Variants in PRTG observed in about 807,000 individuals in gnomAD.
PRTG encodes immunoglobulin superfamily, DCC subclass, member 5.
A neutral mutation model predicts 122.5 loss-of-function variants in PRTG; 67 were observed. The ratio of observed to expected loss-of-function variants is 0.55; its 90% confidence interval spans 0.45 to 0.67. The LOEUF is 0.67. PRTG is among the 30% of genes least tolerant of loss of function. The pLI is 0.00. For missense variants in PRTG, 1,435 were observed against 1,415.4 expected (o/e 1.01, Z -0.22); for synonymous variants, 554 against 501.1 (o/e 1.11, Z -1.41).
chr15:55,695,399 A>G (rs2059626463), intron 2 of PRTG, among the ~76,000 whole-genome samples: 1 of 152,226 alleles, frequency 6.6e-6, no homozygotes, highest in Admixed American at 6.5e-5. Context: ...TGTAAGAAAA[A>G]CATCACATTC....
At chr15:55,667,239 A>G (rs1420697056) in intron 11 of PRTG, among the ~76,000 whole-genome samples, 1 of 151,568 alleles carries the variant, frequency 6.6e-6, no homozygotes, top group African/African-American at 2.4e-5. Flanking sequence ...ATGCACTGTA[A>G]TTCTTATATA....
intron 2 of PRTG, among the ~76,000 whole-genome samples, chr15:55,734,607 T>C (rs2031350959): frequency 6.6e-6 from 1 of 151,430 alleles, no homozygotes; most frequent in African/African-American, 2.4e-5. Flanking sequence ...ATATAACATA[T>C]ATATGTATTA....
intron 2 of PRTG, among the ~76,000 whole-genome samples, chr15:55,733,939 C>T (rs1425964427): frequency 6.6e-6 from 1 of 152,170 alleles, no homozygotes; most frequent in African/African-American, 2.4e-5. Flanking sequence ...AAGATAGAAA[C>T]AGTTAAAGTA....
intron 11 of PRTG, among the ~76,000 whole-genome samples, chr15:55,642,069 G>A (rs10162868): frequency 1.3e-3 from 190 of 149,870 alleles, no homozygotes; most frequent in African/African-American, 4.5e-3. Context: ...AGCTACTCGG[G>A]AGGCTGAGGC....
At chr15:55,679,193 T>C in intron 7 of PRTG, 93 bp downstream of exon 7, 1 of 761,468 alleles carries the variant, frequency 1.3e-6, no homozygotes, top group Non-Finnish European at 2.1e-6. Context: ...ATCAAGATAA[T>C]TTAGGTATTT....
In PRTG at chr15:55,639,664, A is replaced by T. The variant is rs367716172; in HGVS notation, c.2302T>A (p.Ser768Thr). 121 of 1,613,966 alleles carry T rather than the reference A, an allele frequency of 7.5e-5. No individual in the cohort carries two copies. The highest frequency in any genetic ancestry group is 9.5e-5 in the Non-Finnish European group (112 of 1,180,006). The change falls in exon 13 of 20, where the codon TCT becomes ACT. Residue 768 changes from serine (S) to threonine (T), a missense_variant. By Grantham distance (58) the Ser-to-Thr change is moderately conservative. Coordinates refer to ENST00000389286, the MANE Select transcript of PRTG (RefSeq NM_173814.6). ...TACGTTTGAAGGTACAGAACCAAAG[A>T]AGCATTCTGCAGGCCAACAGGATTA... Reference protein sequence around the residue: ...RCNPVGLQNASLVLYLQTSET... With the variant: ...RCNPVGLQNATLVLYLQTSET...
chr15:55,657,462 G>T (rs1231525296), intron 11 of PRTG, among the ~76,000 whole-genome samples: 2 of 152,090 alleles, frequency 1.3e-5, no homozygotes, highest in South Asian at 2.1e-4. Context: ...CCAAAACTCT[G>T]TAACTTGTTA....
chr15:55,636,871 T>A lies in PRTG; in HGVS notation c.2623+299A>T, dbSNP rs142158126. 6.6e-5 allele frequency among the ~76,000 whole-genome samples: 10 copies of A among 152,288 alleles called. No individual in the cohort carries two copies. The East Asian group carries it at 1.9e-3, about 29-fold the overall frequency. On this transcript the variant is annotated intron_variant, in intron 15 of 19. Coordinates refer to ENST00000389286, the MANE Select transcript of PRTG (RefSeq NM_173814.6). Reference sequence around the variant, plus strand: ...CATGTTGGTTAGGCTGGTGTTGAACTCCGGACCTCAGGTAATCTATCCGCC... The same window carrying A: ...CATGTTGGTTAGGCTGGTGTTGAACACCGGACCTCAGGTAATCTATCCGCC...
chr15:55,630,295 G>T (rs189221703), intron 15 of PRTG, among the ~76,000 whole-genome samples: 1 of 151,644 alleles, frequency 6.6e-6, no homozygotes, highest in Non-Finnish European at 1.5e-5. Flanking sequence ...CAATTCTTTT[G>T]TATTTTTAAT....
At chr15:55,697,250 C>T (rs537819557) in intron 2 of PRTG, among the ~76,000 whole-genome samples, 1 of 152,278 alleles carries the variant, frequency 6.6e-6, no homozygotes, top group Non-Finnish European at 1.5e-5. Flanking sequence ...TTATTCAGGT[C>T]CCCAATCACT....
At chr15:55,655,611 T>C (rs2059375251) in intron 11 of PRTG, 1 of 152,188 alleles carries the variant, frequency 6.6e-6, no homozygotes, top group African/African-American at 2.4e-5. Flanking sequence ...ACAGTAAGAA[T>C]AAGACAGAAC....
intron 6 of PRTG, 67 bp downstream of exon 6, chr15:55,679,987 T>C (rs1395317537): frequency 7.9e-7 from 1 of 1,266,344 alleles, no homozygotes; most frequent in Non-Finnish European, 1.1e-6. Flanking sequence ...AAGTAAGCTA[T>C]GAATGAGATA....
chr15:55,639,936 T>A (rs2059280338), intron 12 of PRTG, 108 bp from the exon 13 acceptor site: 2 of 1,487,166 alleles, frequency 1.3e-6, no homozygotes, highest in East Asian at 4.9e-5. Context: ...ATTTTAGGTC[T>A]TTCTTCCACC....
intron 2 of PRTG, among the ~76,000 whole-genome samples, chr15:55,731,279 G>A (rs1194406607): frequency 6.6e-6 from 1 of 150,668 alleles, no homozygotes; most frequent in Admixed American, 6.6e-5. Context: ...TTTAATCTGA[G>A]TTACTTTAAA....
intron 16 of PRTG, among the ~76,000 whole-genome samples, chr15:55,627,582 C>T (rs34041724): frequency 0.14 from 20,525 of 150,538 alleles, 1,955 homozygotes; most frequent in African/African-American, 0.27. Flanking sequence ...CCTCGTGATC[C>T]GCTTGCCTCG....
chr15:55,631,719 C>T (rs1440583010), intron 15 of PRTG, among the ~76,000 whole-genome samples: 2 of 152,270 alleles, frequency 1.3e-5, no homozygotes, highest in South Asian at 2.1e-4. Flanking sequence ...GGTCAAATCT[C>T]GTCATGTAAC....
chr15:55,649,426 T>TG, intron 11 of PRTG, among the ~76,000 whole-genome samples: 1 of 7,082 alleles, frequency 1.4e-4, no homozygotes, highest in South Asian at 0.071. Context: ...ATAATTTAAT[T>TG]CCATGAAGTG....
chr15:55,655,208 T>C (rs948622283), intron 11 of PRTG: 14 of 152,222 alleles, frequency 9.2e-5, no homozygotes, highest in Non-Finnish European at 1.8e-4. Flanking sequence ...CTGGGAGTTC[T>C]TAGATCCAAG....
intron 2 of PRTG, among the ~76,000 whole-genome samples, chr15:55,719,282 T>C (rs1490862763): frequency 6.6e-6 from 1 of 152,222 alleles, no homozygotes; most frequent in Admixed American, 6.5e-5. Flanking sequence ...TGGTATATCA[T>C]GTCAACATAC....
Sources: gnomAD v4.1 joint callset for allele counts (sites outside exome capture counted in the v4.1 genomes callset) on GRCh38, gnomAD v4.1.1 for gene constraint, MANE v1.5 for transcripts, NCBI Gene and HGNC (gene_info 2026-07-23, HGNC 2026-07-21) for gene names.